RAP1A: variants seen among roughly 807,000 people sequenced by gnomAD.
The protein encoded by RAP1A is RAP1A, member of RAS oncogene family.
In RAP1A, 6 loss-of-function variants were observed where a neutral mutation model predicts 26.4. That is an observed-to-expected ratio of 0.23 (90% CI 0.12 to 0.45). The LOEUF (loss-of-function observed/expected upper bound fraction) is 0.45, where lower values mean the gene tolerates loss of function less well. Ranked by LOEUF, RAP1A falls within the 20% of genes least tolerant of loss-of-function variation. The pLI, the probability that RAP1A is intolerant of heterozygous loss-of-function variation, is 0.99. For synonymous variants in RAP1A, 73 were observed against 79.4 expected (o/e 0.92, Z 0.43); for missense variants, 121 against 217.2 (o/e 0.56, Z 2.78).
At chr1:111,583,852 C>T (rs1288903451) in intron 1 of RAP1A, among the ~76,000 whole-genome samples, 3 of 146,342 alleles carry the variant, frequency 2.0e-5, no homozygotes, top group South Asian at 2.2e-4. Context: ...ACAAGATACA[C>T]AACTGTCTAT....
chr1:111,695,876 T>C (rs1049827239), intron 3 of RAP1A, among the ~76,000 whole-genome samples: 4 of 152,336 alleles, frequency 2.6e-5, no homozygotes, highest in South Asian at 2.1e-4. Context: ...TCAAAACCCA[T>C]AGAATGTACC....
intron 1 of RAP1A, among the ~76,000 whole-genome samples, chr1:111,625,303 T>C (rs1659360552): frequency 6.6e-6 from 1 of 152,212 alleles, no homozygotes; most frequent in South Asian, 2.1e-4. Flanking sequence ...GTTAGCTGTC[T>C]TTCGTTTTTT....
chr1:111,577,121 G>A (rs981098601), intron 1 of RAP1A, among the ~76,000 whole-genome samples: 16 of 152,124 alleles, frequency 1.1e-4, no homozygotes, highest in Admixed American at 7.2e-4. Flanking sequence ...GCAGAAATTT[G>A]CTGAGGTGCG....
upstream of RAP1A, among the ~76,000 whole-genome samples, chr1:111,618,393 A>G (rs528093686): frequency 6.6e-6 from 1 of 152,144 alleles, no homozygotes; most frequent in East Asian, 1.9e-4. Context: ...TTGTTTTCCA[A>G]CGCTTCACCT....
chr1:111,683,514 C>T (rs888582974), intron 1 of RAP1A, among the ~76,000 whole-genome samples: 3 of 152,128 alleles, frequency 2.0e-5, no homozygotes, highest in African/African-American at 4.8e-5. Flanking sequence ...TACAAACTAC[C>T]ACCAGAGAAT....
At chr1:111,560,900 A>G (rs1170007261) in intron 1 of RAP1A, among the ~76,000 whole-genome samples, 1 of 152,132 alleles carries the variant, frequency 6.6e-6, no homozygotes, top group African/African-American at 2.4e-5. Flanking sequence ...CAGGACCTGT[A>G]GCCCAATTTG....
At chr1:111,637,909 A>G (rs949961508) in intron 1 of RAP1A, among the ~76,000 whole-genome samples, 1 of 152,086 alleles carries the variant, frequency 6.6e-6, no homozygotes, top group Non-Finnish European at 1.5e-5. Context: ...TGTAGGATAA[A>G]TTCCAAAAAG....
At chr1:111,680,290 C>T (rs1276159900) in intron 1 of RAP1A, among the ~76,000 whole-genome samples, 1 of 152,130 alleles carries the variant, frequency 6.6e-6, no homozygotes, top group Non-Finnish European at 1.5e-5. Context: ...GGAAGGGGAC[C>T]CAAGCGGGTT....
chr1:111,601,271 C>T (rs949848406), intron 1 of RAP1A, among the ~76,000 whole-genome samples: 1 of 152,068 alleles, frequency 6.6e-6, no homozygotes, highest in African/African-American at 2.4e-5. Flanking sequence ...TAATTTCAAC[C>T]ACACCGATTG....
At chr1:111,653,265 G>A (rs898402900) in intron 1 of RAP1A, among the ~76,000 whole-genome samples, 1 of 152,112 alleles carries the variant, frequency 6.6e-6, no homozygotes, top group African/African-American at 2.4e-5. Flanking sequence ...GGGCAAATGG[G>A]GAGTAACTGT....
chr1:111,646,847 C>T (rs1344240598), intron 1 of RAP1A, among the ~76,000 whole-genome samples: 1 of 152,218 alleles, frequency 6.6e-6, no homozygotes, highest in Non-Finnish European at 1.5e-5. Context: ...ACGAGTGGAA[C>T]ACCTTCTTAA....
At chr1:111,662,884 G>C (rs1217136547) in intron 1 of RAP1A, among the ~76,000 whole-genome samples, 1 of 152,114 alleles carries the variant, frequency 6.6e-6, no homozygotes, top group African/African-American at 2.4e-5. Context: ...TTTGGACCCA[G>C]ATATTCCTGC....
At chr1:111,551,032 T>C (rs74112326) in intron 1 of RAP1A, among the ~76,000 whole-genome samples, 9,631 of 152,274 alleles carry the variant, frequency 0.063, 604 homozygotes, top group East Asian at 0.32. Flanking sequence ...CACATTTGTC[T>C]GGTTTTAGGA....
intron 1 of RAP1A, among the ~76,000 whole-genome samples, chr1:111,670,438 C>T (rs1211311468): frequency 6.6e-6 from 1 of 152,086 alleles, no homozygotes; most frequent in Non-Finnish European, 1.5e-5. Context: ...CATGCCACTG[C>T]ACTCCAGCCT....
intron 1 of RAP1A, among the ~76,000 whole-genome samples, chr1:111,653,925 G>A (rs894489596): frequency 6.6e-6 from 1 of 152,068 alleles, no homozygotes; most frequent in African/African-American, 2.4e-5. Context: ...ACTTAGGAAG[G>A]GGTATAAACC....
At position 111,546,953 on chromosome 1, in the gene RAP1A, T is replaced by G. The variant is rs559552375; in HGVS notation, c.-28+4444T>G. On this transcript the variant is annotated intron_variant, in intron 1 of 7. Coordinates refer to the RAP1A transcript ENST00000356415. ...CATTGTTATTTTCTGTTTTGTTTTG[T>G]TTTGGTTTTTAATAATAGCCATCCT... 3.9e-5 allele frequency among the ~76,000 whole-genome samples: 6 copies of G among 152,304 alleles called. No homozygotes were observed. In the South Asian group the frequency reaches 8.3e-4, roughly 21 times the overall value.
intron 1 of RAP1A, among the ~76,000 whole-genome samples, chr1:111,686,113 G>A (rs910965866): frequency 2.6e-5 from 4 of 151,004 alleles, no homozygotes; most frequent in African/African-American, 7.3e-5. Context: ...GTCACACGCC[G>A]GGGCCTGTCG....
chr1:111,593,855 T>C (rs973708605), intron 1 of RAP1A, among the ~76,000 whole-genome samples: 1 of 151,948 alleles, frequency 6.6e-6, no homozygotes, highest in African/African-American at 2.4e-5. Flanking sequence ...TTCAGGACTG[T>C]TAATGTGAAA....
intron 1 of RAP1A, among the ~76,000 whole-genome samples, chr1:111,586,013 A>G (rs1229091862): frequency 6.6e-6 from 1 of 152,188 alleles, no homozygotes; most frequent in Non-Finnish European, 1.5e-5. Context: ...CACTAATAAA[A>G]CAACACAATT....
Sources: gnomAD v4.1 joint callset for allele counts (sites outside exome capture counted in the v4.1 genomes callset) on GRCh38, gnomAD v4.1.1 for gene constraint, MANE v1.5 for transcripts, NCBI Gene and HGNC (gene_info 2026-07-23, HGNC 2026-07-21) for gene names.